MAPK4: variants seen among roughly 807,000 people sequenced by gnomAD.
MAPK4 encodes Erk3-related.
MAPK4 carries 22 observed loss-of-function variants against 47.7 expected under a neutral mutation model. The ratio of observed to expected loss-of-function variants is 0.46; its 90% CI spans 0.33 to 0.66. The LOEUF (loss-of-function observed/expected upper bound fraction) is 0.66, where lower values mean the gene tolerates loss of function less well. MAPK4 is among the 30% of genes least tolerant of loss of function. MAPK4 has a pLI of 0.02. For missense variants in MAPK4, 736 were observed against 831.7 expected (o/e 0.88, Z 1.42); for synonymous variants, 390 against 365.7 (o/e 1.07, Z -0.76).
chr18:50,633,348 C>T lies in MAPK4; in HGVS notation c.-870-29741C>T, dbSNP rs117506155. ...CCTGGGAGTGAGCCACTGTGCCCAT[C>T]CCACCCTCGCTGGACCCAGTAAGAG... On this transcript the variant is annotated intron_variant, in intron 1 of 5. Coordinates refer to ENST00000400384, the MANE Select transcript of MAPK4 (RefSeq NM_002747.4). 2.9e-3 allele frequency among the ~76,000 whole-genome samples: 441 copies of T among 152,366 alleles called. 7 individuals are homozygous for T. The East Asian group carries it at 0.044, about 15-fold the overall frequency.
At chr18:50,613,207 G>C (rs1568045393) in intron 1 of MAPK4, among the ~76,000 whole-genome samples, 1 of 152,176 alleles carries the variant, frequency 6.6e-6, no homozygotes, top group Admixed American at 6.5e-5. Context: ...TCACTCCTAT[G>C]ATCATGTTAT....
intron 3 of MAPK4, among the ~76,000 whole-genome samples, chr18:50,716,763 T>G (rs1337641900): frequency 6.6e-6 from 1 of 152,120 alleles, no homozygotes; most frequent in Non-Finnish European, 1.5e-5. Flanking sequence ...AGCCTCCCTG[T>G]GAGTGCTCTC....
chr18:50,570,673 G>A (rs2042242044), intron 1 of MAPK4, among the ~76,000 whole-genome samples: 1 of 152,160 alleles, frequency 6.6e-6, no homozygotes, highest in African/African-American at 2.4e-5. Flanking sequence ...TGATGCTAAG[G>A]TTTGGAGCTT....
intron 1 of MAPK4, among the ~76,000 whole-genome samples, chr18:50,643,685 G>A (rs2144188138): frequency 6.6e-6 from 1 of 152,314 alleles, no homozygotes; most frequent in Non-Finnish European, 1.5e-5. Flanking sequence ...AGAGGTCTGG[G>A]TGGTGGAAGG....
intron 1 of MAPK4, among the ~76,000 whole-genome samples, chr18:50,612,838 C>T (rs2042650980): frequency 6.6e-6 from 1 of 152,172 alleles, no homozygotes; most frequent in Non-Finnish European, 1.5e-5. Flanking sequence ...GACAGGTTCC[C>T]ATCTTGAGTG....
chr18:50,673,581 G>A (rs1256861186), intron 2 of MAPK4, among the ~76,000 whole-genome samples: 1 of 151,850 alleles, frequency 6.6e-6, no homozygotes, highest in Non-Finnish European at 1.5e-5. Context: ...ATTGGCCGTC[G>A]CGGTGGCTCA....
chr18:50,718,420 G>T (rs928323489), intron 3 of MAPK4, among the ~76,000 whole-genome samples: 1 of 152,040 alleles, frequency 6.6e-6, no homozygotes, highest in Non-Finnish European at 1.5e-5. Context: ...GTTTTGCCAT[G>T]TTGGCCAGGC....
intron 4 of MAPK4, among the ~76,000 whole-genome samples, chr18:50,722,785 G>A (rs576024089): frequency 2.4e-4 from 37 of 152,244 alleles, no homozygotes; most frequent in African/African-American, 3.1e-4. Flanking sequence ...ACTCAGGTGC[G>A]GCACAGGTGA....
At chr18:50,689,404 TAAAAAAAAAAA>T (rs34978159) in intron 2 of MAPK4, among the ~76,000 whole-genome samples, 1 of 84,850 alleles carries the variant, frequency 1.2e-5, no homozygotes, top group Non-Finnish European at 2.4e-5. Flanking sequence ...AACTCCATCT[TAAAAAAAAAAA>T]AAAAAAAAAA....
At chr18:50,630,591 A>G (rs555131852) in intron 1 of MAPK4, among the ~76,000 whole-genome samples, 11 of 152,328 alleles carry the variant, frequency 7.2e-5, no homozygotes, top group African/African-American at 2.6e-4. Flanking sequence ...TCCTCTGTCC[A>G]CAATGTCATC....
At chr18:50,670,797 A>T (rs1907901025) in intron 2 of MAPK4, among the ~76,000 whole-genome samples, 1 of 150,888 alleles carries the variant, frequency 6.6e-6, no homozygotes, top group South Asian at 2.1e-4. Flanking sequence ...AGTGGTTCTC[A>T]AAGTGAGGCC....
chr18:50,657,700 C>T (rs138608266), intron 1 of MAPK4, among the ~76,000 whole-genome samples: 5 of 151,512 alleles, frequency 3.3e-5, no homozygotes, highest in Non-Finnish European at 5.9e-5. Flanking sequence ...TCAGATGTCA[C>T]AGCTTGGGGG....
chr18:50,567,055 A>G (rs140502393), intron 1 of MAPK4, among the ~76,000 whole-genome samples: 358 of 151,814 alleles, frequency 2.4e-3, no homozygotes, highest in African/African-American at 8.5e-3. Flanking sequence ...TTGTGAACAT[A>G]ATTTTTTTTT....
At chr18:50,587,912 G>T (rs933065020) in intron 1 of MAPK4, among the ~76,000 whole-genome samples, 1 of 151,972 alleles carries the variant, frequency 6.6e-6, no homozygotes, top group Non-Finnish European at 1.5e-5. Context: ...TATATTTTTA[G>T]TAGAGACAGG....
intron 1 of MAPK4, among the ~76,000 whole-genome samples, chr18:50,655,761 C>T (rs778259316): frequency 6.6e-6 from 1 of 152,148 alleles, no homozygotes; most frequent in African/African-American, 2.4e-5. Flanking sequence ...GTGTGGCCTC[C>T]TCCCTTGAAC....
At chr18:50,641,617 C>T (rs2042942083) in intron 1 of MAPK4, among the ~76,000 whole-genome samples, 1 of 152,094 alleles carries the variant, frequency 6.6e-6, no homozygotes, top group African/African-American at 2.4e-5. Context: ...GTTTATTCTG[C>T]CATCTCTTTT....
intron 1 of MAPK4, among the ~76,000 whole-genome samples, chr18:50,607,591 T>C (rs1055920173): frequency 2.0e-5 from 3 of 152,182 alleles, no homozygotes; most frequent in Admixed American, 1.3e-4. Context: ...GGAAATAGCC[T>C]GGAGGGACGA....
At chr18:50,601,186 T>A (rs1489699127) in intron 1 of MAPK4, among the ~76,000 whole-genome samples, 1 of 151,298 alleles carries the variant, frequency 6.6e-6, no homozygotes, top group Non-Finnish European at 1.5e-5. Flanking sequence ...ATACAAAAAT[T>A]AGCTGGGCAT....
At chr18:50,587,923 G>T (rs910631534) in intron 1 of MAPK4, among the ~76,000 whole-genome samples, 2 of 151,944 alleles carry the variant, frequency 1.3e-5, no homozygotes, top group Admixed American at 6.6e-5. Flanking sequence ...TAGAGACAGG[G>T]TTTCACCATG....
Sources: gnomAD v4.1 joint callset for allele counts (sites outside exome capture counted in the v4.1 genomes callset) on GRCh38, gnomAD v4.1.1 for gene constraint, MANE v1.5 for transcripts, NCBI Gene and HGNC (gene_info 2026-07-23, HGNC 2026-07-21) for gene names.